FAM186A: variants seen among roughly 807,000 people sequenced by gnomAD.
FAM186A encodes family with sequence similarity 186 member A, also known as protein FAM186A.
A neutral mutation model predicts 216.8 loss-of-function variants in FAM186A; 163 were observed. The ratio of observed to expected loss-of-function variants is 0.75; its 90% CI spans 0.66 to 0.86. The LOEUF (loss-of-function observed/expected upper bound fraction) is 0.86, where lower values mean the gene tolerates loss of function less well. Among genes scored for constraint, FAM186A ranks in the 40% least tolerant of loss-of-function variants. The pLI, the probability that FAM186A is intolerant of heterozygous loss-of-function variation, is 0.00. For synonymous variants in FAM186A, 805 were observed against 1,025.3 expected, an observed-to-expected ratio of 0.79 and a Z score of 4.10; for missense variants, 2,184 against 2,746.2, an observed-to-expected ratio of 0.80 and a Z score of 4.58.
Position 50,355,355 on chromosome 12 carries a change from A to G in FAM186A, c.1477T>C (p.Tyr493His), listed in dbSNP as rs796811117. 5.2e-6 allele frequency: 8 copies of G among 1,551,266 alleles called. No homozygotes were observed. In the African/African-American group the frequency reaches 6.8e-5, roughly 13 times the overall value. ...TTTTTCAGTACTTGTAGCTCATAGT[A>G]TTGACTAGGTTTGGCCTCTGAGACT... ...QKVSEAKPSQ[Y>H]YELQVLKKKR... Residue 493 changes from tyrosine to histidine, a missense_variant, in exon 4 of 8, where the codon TAC becomes CAC. Around this residue, in one of 7 missense-constraint regions of FAM186A, gnomAD observed 1,132 missense variants for 1,263.4 expected, o/e 0.90. Coordinates refer to ENST00000327337, the MANE Select transcript of FAM186A (RefSeq NM_001145475.3).
intron 1 of FAM186A, among the ~76,000 whole-genome samples, chr12:50,381,911 G>T (rs942296091): frequency 2.6e-5 from 4 of 152,180 alleles, no homozygotes; most frequent in Non-Finnish European, 5.9e-5. Flanking sequence ...TGTGAGCCAT[G>T]ATCGTGCCAC....
Position 50,356,133 on chromosome 12 carries a change from C to T in FAM186A, c.699G>A (p.Lys233=). 2.6e-6 allele frequency: 4 copies of T among 1,551,494 alleles called. No homozygotes were observed. Among genetic ancestry groups the T allele is most frequent in the Non-Finnish European group, 3.5e-6 (4 of 1,146,946 alleles). The change falls in exon 4 of 8, where the codon AAG becomes AAA. Residue 233 remains lysine, a synonymous_variant. Transcript: ENST00000327337. The part of the protein sequence containing the change: ...MISDQLATNT[K]VSEIQGMLQE... ...GTAGCATACCTTGGATTTCTGAAAC[C>T]TTTGTATTTGTTGCAAGTTGATCAC...
chr12:50,382,435 C>A (rs1943262235), intron 1 of FAM186A, among the ~76,000 whole-genome samples: 1 of 151,960 alleles, frequency 6.6e-6, no homozygotes, highest in Non-Finnish European at 1.5e-5. Flanking sequence ...CACAATGGCT[C>A]ACGCCTGTAA....
Position 50,354,922 on chromosome 12 carries a change from T to C in FAM186A, c.1910A>G (p.His637Arg), listed in dbSNP as rs770971754. ...TCTTGAGAGTGATTTAACAAGTTGA[T>C]GAGACTTGACTTGTTTGGTCAACTC... ...KEELTKQVKSHQLVKSLSRVA... is the reference protein window; with the variant it reads ...KEELTKQVKSRQLVKSLSRVA... The change falls in exon 4 of 8, where the codon CAT becomes CGT. Residue 637 changes from histidine to arginine, a missense_variant. His to Arg is a conservative substitution (Grantham distance 29). Coordinates refer to ENST00000327337, the MANE Select transcript of FAM186A (RefSeq NM_001145475.3). 5.2e-6 allele frequency: 8 copies of C among 1,550,820 alleles called. No homozygotes were observed. Among genetic ancestry groups the C allele is most frequent in the Non-Finnish European group, 7.0e-6 (8 of 1,146,884 alleles).
chr12:50,339,985 C>T (rs751042727), intron 4 of FAM186A, among the ~76,000 whole-genome samples: 3 of 152,076 alleles, frequency 2.0e-5, no homozygotes, highest in Non-Finnish European at 4.4e-5. Flanking sequence ...TTACAGGCAC[C>T]TGCCATCGTG....
intron 1 of FAM186A, among the ~76,000 whole-genome samples, chr12:50,382,255 A>G (rs946835871): frequency 4.0e-5 from 6 of 151,630 alleles, no homozygotes; most frequent in Admixed American, 4.0e-4. Flanking sequence ...TCAAAAAAAA[A>G]AAAAAAAAAG....
Position 50,353,061 on chromosome 12 carries a change from AG to A in FAM186A, c.3770del (p.Pro1257LeufsTer275), listed in dbSNP as rs1476367598. On this transcript the variant is annotated frameshift_variant, in exon 4 of 8. Coordinates refer to ENST00000327337, the MANE Select transcript of FAM186A (RefSeq NM_001145475.3). LOFTEE classifies it high-confidence loss of function. ...QAQALGITLT[P>X]KQVQELGIPL... The stretch of plus-strand genomic sequence containing the variant: ...GGATCCCCAGTTCCTGAACCTGCTT[AG>A]GGGTGAGAGTGATTCCGAGAGCCTG... 6.5e-7 allele frequency: 1 copy of A among 1,535,196 alleles called. No homozygotes were observed. Among genetic ancestry groups the A allele is most frequent in the East Asian group, 2.5e-5 (1 of 39,742 alleles).
rs574829311 is a variant in FAM186A at position 50,360,783 on chromosome 12, C to T, written c.556G>A (p.Glu186Lys). 7.9e-5 allele frequency: 122 copies of T among 1,538,314 alleles called. 1 individual carries two copies. In the African/African-American group the frequency reaches 1.3e-3, roughly 17 times the overall value. ...ATTTTTTTCTTTTGTTTCTTCTTTT[C>T]GTCGAGGAAAGATGTACTAAATCTG... ...LSRFSTSFLD[E>K]KKKQKKKILS... The change falls in exon 3 of 8, where the codon GAA becomes AAA. Residue 186 changes from glutamate (E) to lysine (K), a missense_variant. Transcript: ENST00000327337.
chr12:50,333,817 A>T, intron 5 of FAM186A, 94 bp downstream of exon 5: 1 of 1,200,502 alleles, frequency 8.3e-7, no homozygotes, highest in Non-Finnish European at 1.1e-6. Flanking sequence ...GGAAAGTAAT[A>T]TGACATGGTG....
chr12:50,360,542 A>G (rs914462149), intron 3 of FAM186A, among the ~76,000 whole-genome samples: 7 of 151,980 alleles, frequency 4.6e-5, no homozygotes, highest in African/African-American at 1.7e-4. Context: ...AAAATTAGCC[A>G]GGCGTGGTGG....
At chr12:50,393,367 G>T (rs1592640128) in intron 1 of FAM186A, among the ~76,000 whole-genome samples, 1 of 149,164 alleles carries the variant, frequency 6.7e-6, no homozygotes, top group Non-Finnish European at 1.5e-5. Flanking sequence ...GTGAAACCCT[G>T]TCTCTACTAA....
chr12:50,380,493 T>C (rs867350530), intron 1 of FAM186A, among the ~76,000 whole-genome samples: 15 of 120,496 alleles, frequency 1.2e-4, no homozygotes, highest in African/African-American at 3.9e-4. Context: ...CTGGCCAACA[T>C]GATGAAACCC....
chr12:50,362,742 T>C (rs1429193250), intron 2 of FAM186A, among the ~76,000 whole-genome samples: 1 of 11,630 alleles, frequency 8.6e-5, no homozygotes, highest in Non-Finnish European at 1.9e-4. Flanking sequence ...AGAACCTGTC[T>C]CAAAAAAAAA....
Position 50,396,322 on chromosome 12 carries a change from C to T in FAM186A, c.163G>A (p.Glu55Lys), listed in dbSNP as rs973311432. 5 of 1,550,394 alleles carry T rather than the reference C, an allele frequency of 3.2e-6. No homozygotes were observed. The highest frequency in any genetic ancestry group is 4.4e-6 in the Non-Finnish European group (5 of 1,146,674). Residue 55 changes from glutamate (E) to lysine (K), a missense_variant, in exon 1 of 8, where the codon GAG becomes AAG. Physicochemically the swap from Glu to Lys is moderately conservative, Grantham distance 56. Coordinates refer to ENST00000327337, the MANE Select transcript of FAM186A (RefSeq NM_001145475.3). ...CTGGCTCGATGGAGCTGTGCGCGCT[C>T]AATCCTAGAGATGATATCCTTTACT... ...FSVKDIISRI[E>K]RAQLHRARED...
intron 3 of FAM186A, among the ~76,000 whole-genome samples, 182 bp downstream of exon 3, chr12:50,360,574 A>G (rs4768891): frequency 0.5 from 75,101 of 151,520 alleles, 22,088 homozygotes; most frequent in Non-Finnish European, 0.64. Flanking sequence ...AGTTCCAGCT[A>G]CTCTGGAGGC....
chr12:50,386,315 G>C (rs578099148), intron 1 of FAM186A, among the ~76,000 whole-genome samples: 34 of 152,070 alleles, frequency 2.2e-4, no homozygotes, highest in Non-Finnish European at 4.7e-4. Flanking sequence ...TGTAATCCCA[G>C]CTATAGGGAG....
chr12:50,356,741 G>A (rs1274085692), intron 3 of FAM186A, among the ~76,000 whole-genome samples: 2 of 152,216 alleles, frequency 1.3e-5, no homozygotes, highest in Admixed American at 6.5e-5. Flanking sequence ...GTTCACGCCT[G>A]TAATTCCAGC....
chr12:50,353,786 C>T lies in FAM186A; in HGVS notation c.3046G>A (p.Val1016Ile), dbSNP rs1399905583. Residue 1016 changes from valine to isoleucine, a missense_variant, in exon 4 of 8, where the codon GTA (valine) becomes ATA (isoleucine). This residue lies in a region of FAM186A where 1,132 missense variants were observed against 1,263.4 expected (regional missense o/e 0.90). Coordinates refer to ENST00000327337, the MANE Select transcript of FAM186A (RefSeq NM_001145475.3). ...PMTLSPRWKS[V>I]LKDVQRSYEG... ...TATGACCGCTGTACATCTTTCAATA[C>T]ACTCTTCCACCTGGGAGATAATGTC... is the stretch of plus-strand genomic sequence containing the variant. The T allele has an allele frequency of 6.4e-7, 1 of 1,551,634 alleles. No individual in the cohort carries two copies. Among genetic ancestry groups the T allele is most frequent in the Non-Finnish European group, 8.7e-7 (1 of 1,146,954 alleles).
intron 4 of FAM186A, among the ~76,000 whole-genome samples, chr12:50,343,586 C>T (rs1565880940): frequency 6.6e-6 from 1 of 151,464 alleles, no homozygotes; most frequent in Non-Finnish European, 1.5e-5. Context: ...ACAGCGAACC[C>T]AGCTAATCCA....
Sources: allele counts gnomAD v4.1 joint callset (sites outside exome capture counted in the v4.1 genomes callset), GRCh38; gene constraint gnomAD v4.1.1; regional missense constraint gnomAD v4.1.1; transcripts MANE v1.5; gene names NCBI Gene and HGNC (gene_info 2026-07-23, HGNC 2026-07-21).